The following EDIL3 variants were observed in gnomAD, a reference collection of about 807,000 sequenced individuals.
EDIL3 encodes the protein EGF like and discoidin domains 3.
A neutral mutation model predicts 67.4 loss-of-function variants in EDIL3; 37 were observed. The observed-to-expected ratio is 0.55, with a 90% CI of 0.42 to 0.72. The LOEUF (loss-of-function observed/expected upper bound fraction) is 0.72, where lower values mean the gene tolerates loss of function less well. EDIL3 is among the 30% of genes least tolerant of loss of function. The probability of loss-of-function intolerance (pLI) is 0.00; values close to 1 mark genes in which losing one functional copy is unlikely to be tolerated. For missense variants in EDIL3, 527 were observed against 586.3 expected (o/e 0.90, Z 1.04); for synonymous variants, 195 against 196.3 (o/e 0.99, Z 0.05).
chr5:84,379,773 C>T (rs1748038339), intron 1 of EDIL3, among the ~76,000 whole-genome samples: 1 of 152,000 alleles, frequency 6.6e-6, no homozygotes, highest in African/African-American at 2.4e-5. Flanking sequence ...CTCTTTTTTT[C>T]TTCCTCAGGG....
Position 84,016,823 on chromosome 5 carries a change from T to C in EDIL3, c.1137+43477A>G, listed in dbSNP as rs7734915. Among the ~76,000 whole-genome samples the C allele has an allele frequency of 7.2e-3, 1,092 of 152,290 alleles. 18 individuals carry two copies. Among genetic ancestry groups the C allele is most frequent in the African/African-American group, 0.025 (1,056 of 41,568 alleles). On this transcript the variant is annotated intron_variant, in intron 9 of 10. Transcript: ENST00000296591. ...GGTTCCAAGTGTTTTGGATAAGGGA[T>C]ACTTACTCTGCCTGGCTTAATTGAG...
At chr5:83,964,966 C>T (rs1744664828) in intron 9 of EDIL3, among the ~76,000 whole-genome samples, 1 of 152,008 alleles carries the variant, frequency 6.6e-6, no homozygotes, top group Non-Finnish European at 1.5e-5. Flanking sequence ...TCCCAATAAC[C>T]AACCAAGGTA....
intron 1 of EDIL3, among the ~76,000 whole-genome samples, chr5:84,343,054 C>T (rs1470146762): frequency 6.6e-6 from 1 of 151,996 alleles, no homozygotes; most frequent in Non-Finnish European, 1.5e-5. Flanking sequence ...GACTAGGATA[C>T]ATAATATAAT....
intron 1 of EDIL3, among the ~76,000 whole-genome samples, chr5:84,363,367 T>C (rs906198019): frequency 6.6e-6 from 1 of 151,502 alleles, no homozygotes. Context: ...GGAGAATCGC[T>C]TGAACTCGGG....
At position 84,379,144 on chromosome 5, in the gene EDIL3, G is replaced by A. The variant is rs1234259252; in HGVS notation, c.67+5164C>T. Among the ~76,000 whole-genome samples the A allele has an allele frequency of 2.6e-5, 4 of 152,182 alleles. No homozygotes were observed. The South Asian group carries it at 6.2e-4, about 24-fold the overall frequency. On this transcript the variant is annotated intron_variant, in intron 1 of 10. Transcript: ENST00000296591. ...ACTATTTGGCACAATGTCAGTGACT[G>A]TATAAAAAAGCTCCTTAAAAGGGTA...
At chr5:84,082,304 A>C (rs886817271) in intron 6 of EDIL3, among the ~76,000 whole-genome samples, 1 of 152,230 alleles carries the variant, frequency 6.6e-6, no homozygotes, top group Non-Finnish European at 1.5e-5. Context: ...AACAAATATC[A>C]CAAATAAAAA....
At chr5:84,202,629 G>A (rs894591891) in intron 3 of EDIL3, among the ~76,000 whole-genome samples, 2 of 152,152 alleles carry the variant, frequency 1.3e-5, no homozygotes, top group Non-Finnish European at 2.9e-5. Context: ...AAATTGTAAT[G>A]CCATTTATTT....
At chr5:84,208,126 GA>G (rs1263648486) in intron 3 of EDIL3, among the ~76,000 whole-genome samples, 1 of 151,952 alleles carries the variant, frequency 6.6e-6, no homozygotes, top group Non-Finnish European at 1.5e-5. Flanking sequence ...CAAAATGGGA[GA>G]AAATTTTCGC....
chr5:84,157,322 TA>T (rs1443223693), intron 4 of EDIL3, among the ~76,000 whole-genome samples: 1 of 151,702 alleles, frequency 6.6e-6, no homozygotes, highest in Non-Finnish European at 1.5e-5. Flanking sequence ...AACTTAAAAT[TA>T]AAAAAATGGG....
chr5:84,042,787 TA>T (rs1268950699), intron 9 of EDIL3, among the ~76,000 whole-genome samples: 5 of 152,230 alleles, frequency 3.3e-5, no homozygotes, highest in Admixed American at 2.6e-4. Flanking sequence ...GATGCTTTCA[TA>T]GCAGAGTTCC....
At chr5:84,380,793 C>T (rs1167215280) in intron 1 of EDIL3, among the ~76,000 whole-genome samples, 2 of 151,990 alleles carry the variant, frequency 1.3e-5, no homozygotes, top group African/African-American at 4.8e-5. Flanking sequence ...ACTCTAAAAA[C>T]TGTCAAGCTT....
chr5:84,369,364 CATACATACAT>C (rs1747800614), intron 1 of EDIL3, among the ~76,000 whole-genome samples: 1 of 151,920 alleles, frequency 6.6e-6, no homozygotes, highest in South Asian at 2.1e-4. Context: ...ACAACATACA[CATACATACAT>C]ATATAAACAA....
At chr5:84,262,888 C>A (rs983403833) in intron 1 of EDIL3, among the ~76,000 whole-genome samples, 5 of 151,632 alleles carry the variant, frequency 3.3e-5, no homozygotes, top group Admixed American at 3.3e-4. Flanking sequence ...ACAGACTGGT[C>A]TTGAATTCCT....
chr5:84,384,164 C>T, intron 1 of EDIL3, 144 bp downstream of exon 1: 1 of 994,770 alleles, frequency 1.0e-6, no homozygotes, highest in Admixed American at 2.5e-5. Flanking sequence ...TCGGGGCACC[C>T]AGGACTCGAC....
intron 3 of EDIL3, among the ~76,000 whole-genome samples, chr5:84,194,896 C>T (rs1280732260): frequency 1.3e-5 from 2 of 151,826 alleles, no homozygotes; most frequent in African/African-American, 4.8e-5. Context: ...CATTTTAGAT[C>T]CCCTCAGTTT....
intron 3 of EDIL3, among the ~76,000 whole-genome samples, chr5:84,229,195 G>A (rs1744512041): frequency 6.6e-6 from 1 of 151,808 alleles, no homozygotes; most frequent in African/African-American, 2.4e-5. Flanking sequence ...CTCTCTCACT[G>A]TCCTGGAACC....
At chr5:84,315,888 C>T (rs1275564018) in intron 1 of EDIL3, among the ~76,000 whole-genome samples, 1 of 152,242 alleles carries the variant, frequency 6.6e-6, no homozygotes, top group African/African-American at 2.4e-5. Context: ...CAAAGGGAAG[C>T]CCATCAGACT....
intron 5 of EDIL3, among the ~76,000 whole-genome samples, chr5:84,111,736 C>T (rs997657926): frequency 2.0e-5 from 3 of 152,126 alleles, no homozygotes; most frequent in Admixed American, 6.5e-5. Context: ...AGAGGTTACA[C>T]CAAGTCTCAT....
intron 9 of EDIL3, 113 bp downstream of exon 9, chr5:84,060,187 G>T (rs1214605881): frequency 1.1e-5 from 14 of 1,258,810 alleles, no homozygotes; most frequent in Non-Finnish European, 1.5e-5. Flanking sequence ...AACCGAAGAT[G>T]AAGGCACATT....
Sources: allele counts gnomAD v4.1 joint callset (sites outside exome capture counted in the v4.1 genomes callset), GRCh38; gene constraint gnomAD v4.1.1; transcripts MANE v1.5; gene names NCBI Gene and HGNC (gene_info 2026-07-23, HGNC 2026-07-21).